Variants in NIT2 observed in about 807,000 individuals in gnomAD.
NIT2 encodes the protein omega-amidase NIT2.
In NIT2, 46 loss-of-function variants were observed where a neutral mutation model predicts 42.7. That is an observed-to-expected ratio of 1.08 (90% CI 0.85 to 1.38). The LOEUF is 1.38. Ranked by LOEUF, NIT2 falls within the 40% of genes most tolerant of loss-of-function variation. The pLI is 0.00. For synonymous variants in NIT2, 123 were observed against 121.9 expected (o/e 1.01, Z -0.06); for missense variants, 309 against 342.5 (o/e 0.90, Z 0.77).
rs923793109 is a variant in NIT2, at chr3:100,356,648, A to G, written c.*1380A>G. 1 of 152,236 alleles carries G rather than the reference A, an allele frequency of 6.6e-6. No individual in the cohort carries two copies. The highest frequency in any genetic ancestry group is 1.5e-5 in the Non-Finnish European group (1 of 68,042). 9.4% of individuals were successfully genotyped at this position (152,236 alleles called of 1,614,324 possible). A position where few individuals can be genotyped will look rare whatever the true frequency, so the allele number is the denominator to read the frequency against. ...TTTTAAATTAAGTTTTTAATTTACA[A>G]TTGATGCATAATTTTACTTTAAAAA... is the stretch of plus-strand genomic sequence containing the variant. On this transcript the variant is annotated 3_prime_UTR_variant, in exon 10 of 10. Coordinates refer to ENST00000394140, the MANE Select transcript of NIT2 (RefSeq NM_020202.5).
In NIT2 at chr3:100,346,236, A is replaced by G; in HGVS notation, c.486A>G (p.Ala162=). 6.2e-7 allele frequency: 1 copy of G among 1,614,148 alleles called. No homozygotes were observed. The highest frequency in any genetic ancestry group is 8.5e-7 in the Non-Finnish European group (1 of 1,179,972). ...ICYDMRFAEL[A]QIYAQRGCQL... is the part of the protein sequence containing the mutation. ...ACGACATGCGGTTTGCAGAGCTTGC[A>G]CAAATCTACGCACAGAGAGGTGAGG... The change falls in exon 6 of 10, where the codon GCA becomes GCG. Residue 162 remains alanine, a synonymous_variant. Transcript: ENST00000394140.
At chr3:100,348,039 C>T (rs1050775299) in intron 6 of NIT2, among the ~76,000 whole-genome samples, 9 of 152,068 alleles carry the variant, frequency 5.9e-5, no homozygotes, top group African/African-American at 1.7e-4. Flanking sequence ...TATAGGCGCT[C>T]GCCACCACGC....
chr3:100,341,376 T>C (rs936074107), intron 4 of NIT2, among the ~76,000 whole-genome samples: 3 of 152,044 alleles, frequency 2.0e-5, no homozygotes, highest in African/African-American at 7.2e-5. Context: ...CAAGCTATAG[T>C]AATTTTTTTT....
intron 7 of NIT2, among the ~76,000 whole-genome samples, 155 bp from the exon 8 acceptor site, chr3:100,352,248 AC>A (rs1706282195): frequency 1.3e-5 from 2 of 152,250 alleles, no homozygotes; most frequent in Admixed American, 6.5e-5. Context: ...GAGTAAGGTA[AC>A]TTTTTAAAGA....
In NIT2 at chr3:100,348,819, A is replaced by G. The variant is rs768902829; in HGVS notation, c.522A>G (p.Val174=). The change falls in exon 7 of 10, where the codon GTA becomes GTG. Residue 174 remains valine (V), a synonymous_variant. Coordinates refer to ENST00000394140, the MANE Select transcript of NIT2 (RefSeq NM_020202.5). ...IYAQRGCQLL[V]YPGAFNLTTG... The stretch of plus-strand genomic sequence containing the variant: ...CTCCCCAAGGCTGCCAGCTGTTGGT[A>G]TATCCAGGAGCTTTTAATCTGACCA... The G allele has an allele frequency of 1.9e-6, 3 of 1,613,884 alleles. No individual in the cohort carries two copies. The highest frequency in any genetic ancestry group is 1.7e-5 in the Admixed American group (1 of 60,000).
chr3:100,344,732 A>C (rs1295336206), intron 4 of NIT2, among the ~76,000 whole-genome samples: 1 of 150,348 alleles, frequency 6.7e-6, no homozygotes, highest in East Asian at 2.0e-4. Context: ...TGCAACCTCC[A>C]CCTCCCTGGT....
At chr3:100,353,777 CTTT>C (rs397728358) in intron 8 of NIT2, among the ~76,000 whole-genome samples, 1 of 140,288 alleles carries the variant, frequency 7.1e-6, no homozygotes, top group African/African-American at 2.6e-5. Flanking sequence ...TTTCTTTTTT[CTTT>C]TTTTTTTTTT....
chr3:100,352,983 T>A (rs1051775402), intron 8 of NIT2, among the ~76,000 whole-genome samples: 2 of 152,194 alleles, frequency 1.3e-5, no homozygotes, highest in African/African-American at 4.8e-5. Flanking sequence ...GTGAAGCATT[T>A]TATTACTCAG....
chr3:100,346,195 G>A lies in NIT2; in HGVS notation c.445G>A (p.Gly149Ser). 1 of 1,614,020 alleles carries A rather than the reference G, an allele frequency of 6.2e-7. No individual in the cohort carries two copies. The highest frequency in any genetic ancestry group is 8.5e-7 in the Non-Finnish European group (1 of 1,179,938). ...STFDTPYCRV[G>S]LGICYDMRFA... ...TTTGGAAACAGCTTACTGCAGAGTG[G>A]GTCTGGGCATCTGCTACGACATGCG... is the stretch of plus-strand genomic sequence containing the variant. Residue 149 changes from glycine to serine, a missense_variant, in exon 6 of 10, where the codon GGT becomes AGT. By Grantham distance (56) the Gly-to-Ser change is moderately conservative. Coordinates refer to ENST00000394140, the MANE Select transcript of NIT2 (RefSeq NM_020202.5).
At chr3:100,349,103 C>A in intron 7 of NIT2, 1 of 369,518 alleles carries the variant, frequency 2.7e-6, no homozygotes, top group Non-Finnish European at 4.9e-6. Context: ...ATTTTGGAAA[C>A]TGTACTTTTT....
At position 100,352,079 on chromosome 3, in the gene NIT2, A is replaced by G. The variant is rs530736729; in HGVS notation, c.585-325A>G. Among the ~76,000 whole-genome samples the G allele has an allele frequency of 1.2e-3, 184 of 152,380 alleles. 1 individual carries two copies. Among genetic ancestry groups the G allele is most frequent in the African/African-American group, 4.3e-3 (177 of 41,594 alleles). Reference sequence around the variant, plus strand: ...AATGAGATACCATCTCACACCAGTTAGAATGGCAATCATTAAAAAGTCAGG... The same window carrying G: ...AATGAGATACCATCTCACACCAGTTGGAATGGCAATCATTAAAAAGTCAGG... On this transcript the variant is annotated intron_variant, in intron 7 of 9. Transcript: ENST00000394140.
At chr3:100,334,832 T>A (rs1706048299) in intron 1 of NIT2, 34 bp downstream of exon 1, 1 of 1,219,510 alleles carries the variant, frequency 8.2e-7, no homozygotes, top group South Asian at 3.5e-5. Context: ...CAGCTCGAGT[T>A]CGGGCCGCGG....
In NIT2 at chr3:100,341,147, G is replaced by T. The variant is rs1296859255; in HGVS notation, c.322G>T (p.Ala108Ser). 1.9e-6 allele frequency: 3 copies of T among 1,611,198 alleles called. No homozygotes were observed. The highest frequency in any genetic ancestry group is 3.3e-5 in the Admixed American group (2 of 59,992). The change falls in exon 4 of 10, where the codon GCA (alanine) becomes TCA (serine). Residue 108 changes from alanine to serine, a missense_variant. By Grantham distance (99) the Ala-to-Ser change is moderately conservative. Transcript: ENST00000394140. ...AVFGPDGTLL[A>S]KYRKIHLFDI... ...GTTTGGGCCTGATGGAACTTTACTA[G>T]CAAAGTATAGAAAGGTAAGTAGGAA...
At chr3:100,341,184 GA>G (rs752354559) in intron 4 of NIT2, 23 bp downstream of exon 4, 4 of 1,554,322 alleles carry the variant, frequency 2.6e-6, no homozygotes, top group Non-Finnish European at 3.6e-6. Flanking sequence ...TGTGGCATAA[GA>G]ATTTGTTATC....
intron 4 of NIT2, among the ~76,000 whole-genome samples, chr3:100,343,872 G>A (rs1441935885): frequency 6.6e-6 from 1 of 152,166 alleles, no homozygotes. Flanking sequence ...ATTGTACAGT[G>A]GATTATATAT....
rs761036679 is a variant in NIT2 at position 100,355,584 on chromosome 3, T to C, written c.*316T>C. The C allele has an allele frequency of 4.2e-6, 1 of 239,840 alleles. No homozygotes were observed. The highest frequency in any genetic ancestry group is 8.0e-6 in the Non-Finnish European group (1 of 125,430). The allele number at this position is 239,840 out of a possible 1,614,324, so 14.9% of individuals were successfully genotyped here. A position where few individuals can be genotyped will look rare whatever the true frequency, so the allele number is the denominator to read the frequency against. On this transcript the variant is annotated 3_prime_UTR_variant, in exon 10 of 10. Transcript: ENST00000394140. ...GTGATTGATTCACCTAATATAAATA[T>C]ATTTGTGTCATGAACCTCTTATCCC...
chr3:100,340,051 A>G, intron 3 of NIT2, 116 bp downstream of exon 3: 1 of 785,414 alleles, frequency 1.3e-6, no homozygotes, highest in Non-Finnish European at 2.0e-6. Flanking sequence ...GGGAAGCTGA[A>G]GCAGAGAGTT....
chr3:100,338,555 C>T (rs1234631919), intron 1 of NIT2, among the ~76,000 whole-genome samples: 1 of 152,166 alleles, frequency 6.6e-6, no homozygotes, highest in Admixed American at 6.5e-5. Flanking sequence ...TTCCCATGAG[C>T]TGGGCTGCTC....
At position 100,360,157 on chromosome 3, in the gene NIT2, C is replaced by T. The variant is rs975750625; in HGVS notation, c.*4889C>T. On this transcript the variant is annotated 3_prime_UTR_variant, in exon 10 of 10. Coordinates refer to ENST00000394140, the MANE Select transcript of NIT2 (RefSeq NM_020202.5). ...CTACAGGTTGCACTTGCTCTCTCAC[C>T]AAGTGTTCTGGCCAAATAATTCTGG... 1 of 152,170 alleles carries T rather than the reference C, an allele frequency of 6.6e-6. No homozygotes were observed. Among genetic ancestry groups the T allele is most frequent in the Non-Finnish European group, 1.5e-5 (1 of 68,052 alleles). 9.4% of individuals were successfully genotyped at this position (152,170 alleles called of 1,614,324 possible).
Sources: gnomAD v4.1 joint callset for allele counts (sites outside exome capture counted in the v4.1 genomes callset) on GRCh38, gnomAD v4.1.1 for gene constraint, MANE v1.5 for transcripts, NCBI Gene and HGNC (gene_info 2026-07-23, HGNC 2026-07-21) for gene names.